Variants in RGPD2 observed in about 807,000 individuals in gnomAD.
RGPD2 encodes RANBP2-like and GRIP domain-containing protein 2.
RGPD2 carries 2 observed loss-of-function variants against 36.0 expected under a neutral mutation model. That is an observed-to-expected ratio of 0.06 (90% confidence interval 0.02 to 0.17). RGPD2 has a LOEUF of 0.17. RGPD2 is among the 10% of genes least tolerant of loss of function. The pLI, the probability that RGPD2 is intolerant of heterozygous loss-of-function variation, is 1.00. For missense variants in RGPD2, 40 were observed against 464.3 expected (o/e 0.09, Z 8.40); for synonymous variants, 19 against 163.8 (o/e 0.12, Z 6.75).
chr2:87,940,227 G>C, the RGPD2 span, among the ~76,000 whole-genome samples: 1 of 152,012 alleles, frequency 6.6e-6, no homozygotes, highest in Non-Finnish European at 1.5e-5. Context: ...AAAGTGGGCT[G>C]AAGGTGCAGC....
the RGPD2 span, among the ~76,000 whole-genome samples, chr2:87,906,919 C>CAAAAAAAAA: frequency 7.4e-6 from 1 of 134,764 alleles, no homozygotes; most frequent in Non-Finnish European, 1.6e-5. Flanking sequence ...GACCTTGTCT[C>CAAAAAAAAA]AAAAAATAAA....
the RGPD2 span, among the ~76,000 whole-genome samples, chr2:87,986,560 G>T: frequency 6.6e-6 from 1 of 151,954 alleles, no homozygotes. Context: ...CACTCTTAAA[G>T]ATGTTCTAGC....
At chr2:87,921,392 C>T in the RGPD2 span, among the ~76,000 whole-genome samples, 3 of 152,076 alleles carry the variant, frequency 2.0e-5, no homozygotes, top group Admixed American at 6.6e-5. Flanking sequence ...AAAGAATCTT[C>T]GTAGAATATC....
At chr2:87,769,691 G>A (rs1178837621) in intron 22 of RGPD2, among the ~76,000 whole-genome samples, 2 of 151,410 alleles carry the variant, frequency 1.3e-5, no homozygotes, top group Admixed American at 6.6e-5. Flanking sequence ...GAAAACTATT[G>A]AAAACTTTAA....
At chr2:87,972,764 C>T in the RGPD2 span, 4,915 of 1,611,518 alleles carry the variant, frequency 3.0e-3, 19 homozygotes, top group Middle Eastern at 0.024. Flanking sequence ...CCAGCCCTAC[C>T]TCTGTGAGAG....
the RGPD2 span, among the ~76,000 whole-genome samples, chr2:87,988,541 A>ATATATATATATATAT: frequency 3.1e-3 from 168 of 54,132 alleles, 5 homozygotes; most frequent in East Asian, 9.1e-3. Context: ...ATATATATAT[A>ATATATATATATATAT]TTTTTTTTTT....
intron 1 of RGPD2, 125 bp downstream of exon 1, chr2:87,825,531 CCG>C (rs1686735979): frequency 2.5e-6 from 1 of 404,738 alleles, no homozygotes; most frequent in Non-Finnish European, 2.8e-6. Flanking sequence ...CCGGCCGAGG[CCG>C]AGGCCGAGGC....
the RGPD2 span, among the ~76,000 whole-genome samples, chr2:87,874,956 C>T: frequency 2.7e-5 from 4 of 150,942 alleles, no homozygotes; most frequent in Admixed American, 2.0e-4. Flanking sequence ...CTTATTTTAT[C>T]CTCTTCATAG....
the RGPD2 span, among the ~76,000 whole-genome samples, chr2:87,960,097 TG>T: frequency 7.3e-6 from 1 of 136,510 alleles, no homozygotes; most frequent in Non-Finnish European, 1.6e-5. Flanking sequence ...CCTCAATTCA[TG>T]AGCCTTTTAA....
the RGPD2 span, among the ~76,000 whole-genome samples, chr2:87,951,678 G>A: frequency 4.7e-5 from 7 of 150,248 alleles, no homozygotes; most frequent in South Asian, 2.2e-4. Flanking sequence ...TGAAACCTCC[G>A]CCTCCAAGCG....
At chr2:87,989,258 A>G in the RGPD2 span, 1 of 191,292 alleles carries the variant, frequency 5.2e-6, no homozygotes, top group East Asian at 1.3e-4. Flanking sequence ...GACTTTGCCC[A>G]TCAAAGCAAT....
the RGPD2 span, among the ~76,000 whole-genome samples, chr2:87,934,692 G>T: frequency 6.7e-6 from 1 of 149,886 alleles, no homozygotes; most frequent in African/African-American, 2.4e-5. Context: ...TAAAAAGATT[G>T]CAATTTAAAA....
chr2:87,917,741 A>G, the RGPD2 span, among the ~76,000 whole-genome samples: 12 of 83,526 alleles, frequency 1.4e-4, no homozygotes, highest in Admixed American at 1.5e-3. Context: ...GCCATTTAAT[A>G]AAATATGTAA....
chr2:87,922,498 A>G, the RGPD2 span, among the ~76,000 whole-genome samples: 1 of 146,100 alleles, frequency 6.8e-6, no homozygotes, highest in African/African-American at 2.6e-5. Context: ...TAGAGGCAAC[A>G]ACAGTTTATT....
the RGPD2 span, among the ~76,000 whole-genome samples, chr2:87,877,078 T>C: frequency 2.6e-5 from 4 of 152,284 alleles, no homozygotes; most frequent in Non-Finnish European, 5.9e-5. Context: ...CATCTCTTTA[T>C]TTTGATCCTA....
chr2:87,915,002 C>T, the RGPD2 span, among the ~76,000 whole-genome samples: 3 of 152,004 alleles, frequency 2.0e-5, no homozygotes, highest in Non-Finnish European at 2.9e-5. Context: ...ACAAAATTAG[C>T]GAGGCATGGT....
the RGPD2 span, among the ~76,000 whole-genome samples, chr2:87,915,494 CGTATATATACATATATACAATTTTT>C: frequency 9.4e-6 from 1 of 106,582 alleles, no homozygotes; most frequent in Non-Finnish European, 1.8e-5. Context: ...TGTGTATATA[CGTATATATACATATATACAATTTTT>C]GTATATATAC....
chr2:87,809,606 A>AG (rs529559005), intron 6 of RGPD2, among the ~76,000 whole-genome samples: 1,580 of 134,966 alleles, frequency 0.012, 2 homozygotes, highest in African/African-American at 0.039. Context: ...GAGGTTCACA[A>AG]GGGGGGGTAA....
the RGPD2 span, among the ~76,000 whole-genome samples, chr2:87,913,486 A>G: frequency 1.3e-5 from 2 of 151,496 alleles, no homozygotes; most frequent in Admixed American, 6.6e-5. Flanking sequence ...TGGCACATGT[A>G]TACATATGTA....
Sources: allele counts gnomAD v4.1 joint callset (sites outside exome capture counted in the v4.1 genomes callset), GRCh38; gene constraint gnomAD v4.1.1; transcripts MANE v1.5; gene names NCBI Gene and HGNC (gene_info 2026-07-23, HGNC 2026-07-21).